Variants in KCNIP1 observed in about 807,000 individuals in gnomAD.
KCNIP1 encodes A-type potassium channel modulatory protein KCNIP1.
Under a neutral mutation model 33.0 loss-of-function variants are expected in KCNIP1, and 18 were observed. That is an observed-to-expected ratio of 0.55 (90% confidence interval 0.38 to 0.81). The LOEUF is 0.81. KCNIP1 is among the 30% of genes least tolerant of loss of function. The pLI is 0.00. For synonymous variants in KCNIP1, 93 were observed against 98.3 expected, an observed-to-expected ratio of 0.95 and a Z score of 0.32; for missense variants, 238 against 271.6, an observed-to-expected ratio of 0.88 and a Z score of 0.87.
At chr5:170,630,468 C>T (rs913027082) in intron 1 of KCNIP1, among the ~76,000 whole-genome samples, 1 of 152,204 alleles carries the variant, frequency 6.6e-6, no homozygotes, top group Non-Finnish European at 1.5e-5. Flanking sequence ...CTGGGACGTA[C>T]AGATGAGTAG....
Position 170,487,420 on chromosome 5 carries a change from C to A in KCNIP1, c.88+133456C>A, listed in dbSNP as rs557393246. ...AGTTGACACGCAAAATTAACCGACA[C>A]AATTCACATACCGTAGCATAAAATG... is the stretch of plus-strand genomic sequence containing the variant. On this transcript the variant is annotated intron_variant, in intron 1 of 7. Transcript: ENST00000377360. Among the ~76,000 whole-genome samples the A allele has an allele frequency of 2.6e-5, 4 of 152,224 alleles. No homozygotes were observed. In the East Asian group the frequency reaches 7.7e-4, roughly 29 times the overall value.
In KCNIP1 at chr5:170,384,813, C is replaced by A. The variant is rs536332742; in HGVS notation, c.88+30849C>A. Reference sequence around the variant, plus strand: ...ATTCCTGAGCAGAACTTCAGGGAAGCAGATGCTGGCTCAATGCAGACACAT... The same window carrying A: ...ATTCCTGAGCAGAACTTCAGGGAAGAAGATGCTGGCTCAATGCAGACACAT... On this transcript the variant is annotated intron_variant, in intron 1 of 7. Coordinates refer to the KCNIP1 transcript ENST00000377360. Among the ~76,000 whole-genome samples, 49 of 152,344 alleles carry A rather than the reference C, an allele frequency of 3.2e-4. 4 individuals carry two copies. The South Asian group carries it at 9.7e-3, about 30-fold the overall frequency.
At chr5:170,676,109 A>ATGAAAGAAGGAAGGGAGGAAGG (rs1220376765) in intron 1 of KCNIP1, among the ~76,000 whole-genome samples, 1 of 128,794 alleles carries the variant, frequency 7.8e-6, no homozygotes, top group Non-Finnish European at 1.6e-5. Flanking sequence ...AGGGAGGAAG[A>ATGAAAGAAGGAAGGGAGGAAGG]AGGGAGGGAG....
chr5:170,482,868 G>A (rs567267421), intron 1 of KCNIP1, among the ~76,000 whole-genome samples: 1 of 152,278 alleles, frequency 6.6e-6, no homozygotes, highest in Non-Finnish European at 1.5e-5. Flanking sequence ...ATGAGTTTGG[G>A]ACAATTATCA....
intron 1 of KCNIP1, among the ~76,000 whole-genome samples, chr5:170,694,525 G>C (rs534431532): frequency 1.3e-5 from 2 of 152,266 alleles, no homozygotes; most frequent in South Asian, 4.2e-4. Context: ...CTTCATCCCT[G>C]ATCAGATGGA....
chr5:170,648,923 AAAAT>A (rs1760900358), intron 1 of KCNIP1, among the ~76,000 whole-genome samples: 1 of 152,232 alleles, frequency 6.6e-6, no homozygotes, highest in African/African-American at 2.4e-5. Flanking sequence ...ACTACTCTAA[AAAAT>A]AAAGTTTATT....
intron 1 of KCNIP1, among the ~76,000 whole-genome samples, chr5:170,641,859 C>T (rs2113699942): frequency 6.6e-6 from 1 of 152,296 alleles, no homozygotes; most frequent in Admixed American, 6.5e-5. Flanking sequence ...TTCCCGGGAC[C>T]TCGCTAGTCC....
At chr5:170,646,768 A>G (rs1760802885) in intron 1 of KCNIP1, among the ~76,000 whole-genome samples, 1 of 152,206 alleles carries the variant, frequency 6.6e-6, no homozygotes, top group Non-Finnish European at 1.5e-5. Context: ...AATAAAAGGT[A>G]TACACATAGG....
At chr5:170,395,816 A>C (rs1367566136) in intron 1 of KCNIP1, among the ~76,000 whole-genome samples, 1 of 152,220 alleles carries the variant, frequency 6.6e-6, no homozygotes, top group African/African-American at 2.4e-5. Flanking sequence ...ACCTACGAAG[A>C]GGGTGTTTCC....
At chr5:170,594,207 C>G (rs181393654) in intron 1 of KCNIP1, among the ~76,000 whole-genome samples, 1 of 152,144 alleles carries the variant, frequency 6.6e-6, no homozygotes, top group African/African-American at 2.4e-5. Context: ...CGTGACTATT[C>G]CCATCTTCCC....
chr5:170,647,421 T>C (rs1462898370), intron 1 of KCNIP1, among the ~76,000 whole-genome samples: 1 of 151,758 alleles, frequency 6.6e-6, no homozygotes, highest in African/African-American at 2.4e-5. Flanking sequence ...GGGTGAAAAA[T>C]AGACAAGTAG....
chr5:170,515,186 C>A (rs1261787528), intron 1 of KCNIP1, among the ~76,000 whole-genome samples: 1 of 152,140 alleles, frequency 6.6e-6, no homozygotes, highest in African/African-American at 2.4e-5. Context: ...CCTAGAAGCG[C>A]CTTATGATTT....
At chr5:170,437,087 C>T (rs1408256790) in intron 1 of KCNIP1, among the ~76,000 whole-genome samples, 1 of 152,160 alleles carries the variant, frequency 6.6e-6, no homozygotes, top group Non-Finnish European at 1.5e-5. Context: ...GAAGTATAAT[C>T]GGAAAATGGG....
At chr5:170,534,802 A>C (rs929302266) in intron 1 of KCNIP1, among the ~76,000 whole-genome samples, 2 of 151,498 alleles carry the variant, frequency 1.3e-5, no homozygotes, top group Non-Finnish European at 2.9e-5. Flanking sequence ...GATTACCAGC[A>C]TGAGCTACCA....
intron 1 of KCNIP1, among the ~76,000 whole-genome samples, chr5:170,498,593 G>A (rs1757354308): frequency 6.6e-6 from 1 of 152,168 alleles, no homozygotes; most frequent in South Asian, 2.1e-4. Flanking sequence ...TAGACCTCCA[G>A]CTTCCTGAGA....
intron 7 of KCNIP1, among the ~76,000 whole-genome samples, chr5:170,734,937 T>G (rs756451324): frequency 3.9e-5 from 6 of 152,222 alleles, no homozygotes; most frequent in Non-Finnish European, 5.9e-5. Context: ...CCTCCAACCT[T>G]GATTCCTCTC....
intron 1 of KCNIP1, among the ~76,000 whole-genome samples, chr5:170,371,107 A>T (rs1278304443): frequency 6.6e-6 from 1 of 152,162 alleles, no homozygotes; most frequent in East Asian, 1.9e-4. Flanking sequence ...CCGGTGTACC[A>T]GTCTCCCTTC....
chr5:170,383,901 C>T, intron 1 of KCNIP1: 1 of 1,579,042 alleles, frequency 6.3e-7, no homozygotes, highest in South Asian at 1.1e-5. Flanking sequence ...CTGGGTGACA[C>T]ACAGAACACC....
intron 1 of KCNIP1, among the ~76,000 whole-genome samples, chr5:170,391,958 G>A (rs1365299586): frequency 1.3e-5 from 2 of 152,194 alleles, no homozygotes; most frequent in East Asian, 3.8e-4. Context: ...ATCAAGAGGG[G>A]CATTGATGTC....
Sources: gnomAD v4.1 joint callset for allele counts (sites outside exome capture counted in the v4.1 genomes callset) on GRCh38, gnomAD v4.1.1 for gene constraint, MANE v1.5 for transcripts, NCBI Gene and HGNC (gene_info 2026-07-23, HGNC 2026-07-21) for gene names.